The following VAV3 variants were observed in gnomAD, a reference collection of about 807,000 sequenced individuals.
VAV3 encodes vav guanine nucleotide exchange factor 3, also known as guanine nucleotide exchange factor VAV3.
In VAV3, 94 loss-of-function variants were observed where a neutral mutation model predicts 131.2. That is an observed-to-expected ratio of 0.72 (90% CI 0.61 to 0.85). The LOEUF is 0.85. Among genes scored for constraint, VAV3 ranks in the 40% least tolerant of loss-of-function variants. VAV3 has a pLI of 0.00. For synonymous variants in VAV3, 349 were observed against 342.0 expected, an observed-to-expected ratio of 1.02 and a Z score of -0.22; for missense variants, 939 against 1,002.7, an observed-to-expected ratio of 0.94 and a Z score of 0.86.
chr1:107,793,070 G>A (rs1191646845), intron 2 of VAV3, among the ~76,000 whole-genome samples: 1 of 152,138 alleles, frequency 6.6e-6, no homozygotes, highest in Non-Finnish European at 1.5e-5. Context: ...ATGCACACAT[G>A]TACACACACA....
At chr1:107,903,845 A>G (rs1476645238) in intron 1 of VAV3, among the ~76,000 whole-genome samples, 1 of 152,106 alleles carries the variant, frequency 6.6e-6, no homozygotes, top group Non-Finnish European at 1.5e-5. Flanking sequence ...TCCCACACTT[A>G]TGGCCTTGAA....
At chr1:107,593,543 G>T (rs1651130483) in intron 25 of VAV3, among the ~76,000 whole-genome samples, 1 of 151,960 alleles carries the variant, frequency 6.6e-6, no homozygotes, top group Admixed American at 6.6e-5. Flanking sequence ...AGTATCCCAA[G>T]GTAATAATGC....
chr1:107,733,625 G>A (rs1662400228), intron 15 of VAV3, among the ~76,000 whole-genome samples: 1 of 152,114 alleles, frequency 6.6e-6, no homozygotes, highest in South Asian at 2.1e-4. Context: ...TCAATCAAGT[G>A]GAAGAAAGGG....
At chr1:107,854,462 T>C (rs1444980778) in intron 2 of VAV3, among the ~76,000 whole-genome samples, 1 of 152,218 alleles carries the variant, frequency 6.6e-6, no homozygotes, top group East Asian at 1.9e-4. Flanking sequence ...AACAATTCCC[T>C]TGTTTTCCAC....
intron 19 of VAV3, among the ~76,000 whole-genome samples, chr1:107,649,004 G>A (rs956611428): frequency 6.6e-6 from 1 of 151,852 alleles, no homozygotes. Context: ...AATTCCAGGA[G>A]GAAGGTAATA....
intron 19 of VAV3, among the ~76,000 whole-genome samples, chr1:107,652,640 T>C (rs369269358): frequency 1.3e-5 from 2 of 152,166 alleles, no homozygotes; most frequent in Admixed American, 6.5e-5. Flanking sequence ...TATATTTATA[T>C]TGCCTAAATT....
chr1:107,836,323 G>T (rs1002653185), intron 2 of VAV3, among the ~76,000 whole-genome samples: 1 of 152,104 alleles, frequency 6.6e-6, no homozygotes, highest in African/African-American at 2.4e-5. Context: ...ACTCCTGAAT[G>T]ATTTTAAGGT....
intron 1 of VAV3, among the ~76,000 whole-genome samples, chr1:107,955,806 G>A (rs1196545232): frequency 6.6e-6 from 1 of 152,186 alleles, no homozygotes; most frequent in Non-Finnish European, 1.5e-5. Context: ...ATGAGCTCTT[G>A]CATACTAAGG....
intron 15 of VAV3, among the ~76,000 whole-genome samples, chr1:107,722,840 C>CTTTTA (rs1661582516): frequency 7.7e-6 from 1 of 129,812 alleles, no homozygotes. Flanking sequence ...ATTATCCTCT[C>CTTTTA]TTTTTTTTTT....
intron 17 of VAV3, among the ~76,000 whole-genome samples, chr1:107,694,287 G>A (rs1659616132): frequency 6.6e-6 from 1 of 152,168 alleles, no homozygotes; most frequent in Non-Finnish European, 1.5e-5. Flanking sequence ...CCTTGGAACT[G>A]TTCGGAGAAA....
chr1:107,573,212 ATGT>A lies in VAV3; in HGVS notation c.*116_*118del. 9.2e-7 allele frequency: 1 copy of A among 1,082,334 alleles called. No individual in the cohort carries two copies. Among genetic ancestry groups the A allele is most frequent in the Non-Finnish European group, 1.3e-6 (1 of 741,604 alleles). The allele number at this position is 1,082,334 out of a possible 1,614,324, so 67.0% of individuals were successfully genotyped here. On this transcript the variant is annotated 3_prime_UTR_variant, in exon 27 of 27. Coordinates refer to ENST00000370056, the MANE Select transcript of VAV3 (RefSeq NM_006113.5). ...ACTTAGGAGGGGCTAAGGAGGGAGG[ATGT>A]TGAACAGCCAGAAATGCAGCTTTTT... is the stretch of plus-strand genomic sequence containing the variant.
chr1:107,628,228 C>T (rs540297314), intron 20 of VAV3, among the ~76,000 whole-genome samples: 1 of 152,124 alleles, frequency 6.6e-6, no homozygotes, highest in Non-Finnish European at 1.5e-5. Flanking sequence ...TCCCCCTAAT[C>T]AGCCCTTCAT....
intron 2 of VAV3, among the ~76,000 whole-genome samples, chr1:107,816,644 G>A (rs1023996413): frequency 1.3e-5 from 2 of 152,112 alleles, no homozygotes; most frequent in African/African-American, 2.4e-5. Flanking sequence ...ATTTATTTTT[G>A]CTAGGAGTTA....
intron 26 of VAV3, 68 bp from the exon 27 acceptor site, chr1:107,573,440 C>CA (rs1390454706): frequency 6.3e-7 from 1 of 1,594,756 alleles, no homozygotes; most frequent in Non-Finnish European, 8.5e-7. Context: ...ATTCTACAAA[C>CA]AGAGTATTTT....
rs528871211 is a variant in VAV3 at position 107,638,270 on chromosome 1, G to C, written c.1914+4349C>G. On this transcript the variant is annotated intron_variant, in intron 20 of 26. Coordinates refer to ENST00000370056, the MANE Select transcript of VAV3 (RefSeq NM_006113.5). ...GATTGCAAAGGAAGAATAAAACATG[G>C]TGTCTATATTACAAAATCTGCTGGA... Among the ~76,000 whole-genome samples the C allele has an allele frequency of 2.6e-5, 4 of 152,256 alleles. No homozygotes were observed. In the South Asian group the frequency reaches 8.3e-4, roughly 32 times the overall value.
intron 18 of VAV3, among the ~76,000 whole-genome samples, chr1:107,686,988 G>A (rs1659076686): frequency 6.6e-6 from 1 of 151,956 alleles, no homozygotes; most frequent in African/African-American, 2.4e-5. Flanking sequence ...AACTCTACAA[G>A]GTTTCTTTCT....
intron 3 of VAV3, among the ~76,000 whole-genome samples, chr1:107,778,809 C>T (rs1215827130): frequency 2.6e-5 from 4 of 152,172 alleles, no homozygotes; most frequent in Admixed American, 1.3e-4. Flanking sequence ...TTATATAATA[C>T]ATCTTTGCTG....
At chr1:107,956,961 A>C (rs72985464) in intron 1 of VAV3, among the ~76,000 whole-genome samples, 15,415 of 152,148 alleles carry the variant, frequency 0.1, 1,372 homozygotes, top group African/African-American at 0.24. Flanking sequence ...CTGAATCAGG[A>C]AGTTAAGAGG....
At chr1:107,732,368 G>C (rs921028337) in intron 15 of VAV3, among the ~76,000 whole-genome samples, 2 of 152,182 alleles carry the variant, frequency 1.3e-5, no homozygotes, top group African/African-American at 4.8e-5. Flanking sequence ...TGGTTGGACA[G>C]TGGGTGCGGC....
Sources: gnomAD v4.1 joint callset for allele counts (sites outside exome capture counted in the v4.1 genomes callset) on GRCh38, gnomAD v4.1.1 for gene constraint, MANE v1.5 for transcripts, NCBI Gene and HGNC (gene_info 2026-07-23, HGNC 2026-07-21) for gene names.